The following NRP2 variants were observed in gnomAD, a reference collection of about 807,000 sequenced individuals.
NRP2 encodes neuropilin-2.
In NRP2, 52 loss-of-function variants were observed where a neutral mutation model predicts 110.4. That is an observed-to-expected ratio of 0.47 (90% CI 0.38 to 0.59). The LOEUF (loss-of-function observed/expected upper bound fraction) is 0.59. NRP2 is among the 20% of genes least tolerant of loss of function. The pLI, the probability that NRP2 is intolerant of heterozygous loss-of-function variation, is 0.00. For missense variants in NRP2, 1,049 were observed against 1,203.0 expected (o/e 0.87, Z 1.89); for synonymous variants, 508 against 468.9 (o/e 1.08, Z -1.08).
At chr2:205,780,131 AG>A (rs1443264518) in intron 15 of NRP2, among the ~76,000 whole-genome samples, 1 of 152,230 alleles carries the variant, frequency 6.6e-6, no homozygotes, top group Non-Finnish European at 1.5e-5. Flanking sequence ...AAGAAGCAGC[AG>A]TGACATCTTA....
chr2:205,789,788 GA>G (rs2105972305), intron 15 of NRP2, among the ~76,000 whole-genome samples: 1 of 152,304 alleles, frequency 6.6e-6, no homozygotes, highest in East Asian at 1.9e-4. Context: ...GCCTCCTAAG[GA>G]AACAGGCTGC....
At chr2:205,729,386 G>C (rs1370266406) in intron 7 of NRP2, among the ~76,000 whole-genome samples, 3 of 152,204 alleles carry the variant, frequency 2.0e-5, no homozygotes, top group Non-Finnish European at 4.4e-5. Flanking sequence ...CCACTGACTT[G>C]GTTTCAGAAA....
In NRP2 at chr2:205,737,066, T is replaced by A. The variant is rs182994346; in HGVS notation, c.1147-3453T>A. ...GATTTTCATAAATTGCACTTTGATATCTTTGGGCAAAAGACAATATGTAAG... is the reference window on the plus strand; with the variant it reads ...GATTTTCATAAATTGCACTTTGATAACTTTGGGCAAAAGACAATATGTAAG... On this transcript the variant is annotated intron_variant, in intron 7 of 16. Coordinates refer to ENST00000357785, the MANE Select transcript of NRP2 (RefSeq NM_003872.3). Among the ~76,000 whole-genome samples the A allele has an allele frequency of 5.2e-4, 79 of 152,352 alleles. 1 individual carries two copies. Among genetic ancestry groups the A allele is most frequent in the Admixed American group, 4.8e-3 (74 of 15,308 alleles).
intron 8 of NRP2, 133 bp from the exon 9 acceptor site, chr2:205,743,070 C>T (rs1243106930): frequency 1.3e-6 from 2 of 1,550,048 alleles, no homozygotes; most frequent in African/African-American, 1.3e-5. Flanking sequence ...TGTACACATT[C>T]ACCATGCAAA....
chr2:205,795,880 G>GGTGGGGCTTCCCTT lies in NRP2; in HGVS notation c.*833_*846dup, dbSNP rs1450590564. The GGTGGGGCTTCCCTT allele has an allele frequency of 6.6e-6, 1 of 152,580 alleles. No individual in the cohort carries two copies. Among genetic ancestry groups the GGTGGGGCTTCCCTT allele is most frequent in the East Asian group, 1.9e-4 (1 of 5,198 alleles). The allele number at this position is 152,580 out of a possible 1,614,324, so 9.5% of individuals were successfully genotyped here. A position where few individuals can be genotyped will look rare whatever the true frequency, so the allele number is the denominator to read the frequency against. On this transcript the variant is annotated 3_prime_UTR_variant, in exon 17 of 17. Coordinates refer to ENST00000357785, the MANE Select transcript of NRP2 (RefSeq NM_003872.3). Reference sequence around the variant, plus strand: ...TAATTCTAGACCCACAGTGTCTGGTGGTGGGGCTTCCCTTGTGGGGCTTCT... The same window carrying GGTGGGGCTTCCCTT: ...TAATTCTAGACCCACAGTGTCTGGTGGTGGGGCTTCCCTTGTGGGGCTTCCCTTGTGGGGCTTCT...
chr2:205,716,390 C>G lies in NRP2; in HGVS notation c.433+16C>G, dbSNP rs368761335. On this transcript the variant is annotated intron_variant, in intron 3 of 16. Coordinates refer to ENST00000357785, the MANE Select transcript of NRP2 (RefSeq NM_003872.3). ...TTCAAGACAGGTCAGTGTGGTCACA[C>G]GTAGGGGCCGGGAGATGGGCGTCTT... The G allele has an allele frequency of 2.5e-6, 4 of 1,612,900 alleles. No homozygotes were observed. The highest frequency in any genetic ancestry group is 3.4e-6 in the Non-Finnish European group (4 of 1,179,888).
chr2:205,689,593 A>G (rs930436671), intron 1 of NRP2, among the ~76,000 whole-genome samples: 5 of 152,222 alleles, frequency 3.3e-5, no homozygotes, highest in Non-Finnish European at 5.9e-5. Flanking sequence ...TGTAAGCACC[A>G]TATTATCTCT....
chr2:205,739,784 C>T (rs549623785), intron 7 of NRP2, among the ~76,000 whole-genome samples: 1 of 151,548 alleles, frequency 6.6e-6, no homozygotes, highest in Admixed American at 6.6e-5. Context: ...TTGCTCCCAC[C>T]ATGTAGGATC....
intron 4 of NRP2, 72 bp downstream of exon 4, chr2:205,722,780 G>C: frequency 7.7e-7 from 1 of 1,300,200 alleles, no homozygotes; most frequent in Non-Finnish European, 1.1e-6. Context: ...ATGATAAAGA[G>C]GAAGAACAAA....
At chr2:205,785,053 T>C (rs770214962) in intron 15 of NRP2, among the ~76,000 whole-genome samples, 29 of 152,258 alleles carry the variant, frequency 1.9e-4, no homozygotes, top group Admixed American at 6.5e-4. Context: ...TCATTCATTC[T>C]TGTGTTCAGA....
rs142229262 is a variant in NRP2, at chr2:205,742,433, G to A, written c.1292-770G>A. On this transcript the variant is annotated intron_variant, in intron 8 of 16. Transcript: ENST00000357785. Reference sequence around the variant, plus strand: ...GATAAACTAGAATGTGCACATGAAGGAAAAGAACAGGGTGCTCTGAGGGAA... The same window carrying A: ...GATAAACTAGAATGTGCACATGAAGAAAAAGAACAGGGTGCTCTGAGGGAA... Among the ~76,000 whole-genome samples the A allele has an allele frequency of 4.9e-3, 749 of 152,346 alleles. 2 individuals are homozygous for A. The highest frequency in any genetic ancestry group is 7.5e-3 in the Non-Finnish European group (510 of 68,024).
chr2:205,752,952 G>A lies in NRP2; in HGVS notation c.2021G>A (p.Ser674Asn), dbSNP rs768950887. ...WLRTTWASSSSPNDRTFPDDR... is the reference protein window; with the variant it reads ...WLRTTWASSSNPNDRTFPDDR... ...CGGACCACCTGGGCCAGCAGCTCCA[G>A]CCCAAACGACCGGACGTTTCCAGGT... The change falls in exon 12 of 17, where the codon AGC becomes AAC. Residue 674 changes from serine (S) to asparagine (N), a missense_variant. Transcript: ENST00000357785. The A allele has an allele frequency of 1.2e-6, 2 of 1,613,856 alleles. No individual in the cohort carries two copies. The highest frequency in any genetic ancestry group is 1.1e-5 in the South Asian group (1 of 91,068).
chr2:205,758,929 C>T (rs777558811), intron 12 of NRP2, among the ~76,000 whole-genome samples: 1 of 152,070 alleles, frequency 6.6e-6, no homozygotes, highest in Non-Finnish European at 1.5e-5. Context: ...CCCGCCCCCA[C>T]CATACCAGCT....
chr2:205,745,202 C>A (rs901748384), intron 9 of NRP2, among the ~76,000 whole-genome samples: 3 of 152,186 alleles, frequency 2.0e-5, no homozygotes, highest in African/African-American at 4.8e-5. Flanking sequence ...GTTTGGGAAA[C>A]AGTCTAAGAC....
chr2:205,753,607 A>G (rs1368418995), intron 12 of NRP2, among the ~76,000 whole-genome samples: 1 of 152,220 alleles, frequency 6.6e-6, no homozygotes, highest in African/African-American at 2.4e-5. Context: ...TGCTGACAAG[A>G]AGGGGTTGCC....
intron 7 of NRP2, among the ~76,000 whole-genome samples, chr2:205,738,541 T>C (rs531699173): frequency 6.6e-6 from 1 of 152,308 alleles, no homozygotes; most frequent in East Asian, 1.9e-4. Flanking sequence ...GTAGGGTCAG[T>C]CACCACTCCC....
intron 11 of NRP2, among the ~76,000 whole-genome samples, chr2:205,751,612 C>T (rs1014780658): frequency 3.9e-5 from 6 of 152,142 alleles, no homozygotes; most frequent in Non-Finnish European, 8.8e-5. Context: ...AAAGGGAAGG[C>T]ATTTACAGGG....
In NRP2 at chr2:205,795,361, GTATTATTATTAT is replaced by G. The variant is rs11280948; in HGVS notation, c.*322_*333del. 8.2e-5 allele frequency: 12 copies of G among 146,568 alleles called. No individual in the cohort carries two copies. In the East Asian group the frequency reaches 9.9e-4, roughly 12 times the overall value. The allele number at this position is 146,568 out of a possible 1,614,324, so 9.1% of individuals were successfully genotyped here. A position where few individuals can be genotyped will look rare whatever the true frequency, so the allele number is the denominator to read the frequency against. On this transcript the variant is annotated 3_prime_UTR_variant, in exon 17 of 17. Coordinates refer to ENST00000357785, the MANE Select transcript of NRP2 (RefSeq NM_003872.3). Reference sequence around the variant, plus strand: ...ACAGTTCTATTTTGTTTGTGAGTTTGTATTATTATTATTATTATTATTATTATTATATTTTAT... The same window carrying G: ...ACAGTTCTATTTTGTTTGTGAGTTTGTATTATTATTATTATTATATTTTAT...
At chr2:205,736,315 C>G (rs2057342215) in intron 7 of NRP2, among the ~76,000 whole-genome samples, 2 of 152,072 alleles carry the variant, frequency 1.3e-5, no homozygotes, top group Non-Finnish European at 2.9e-5. Context: ...GCACTCCAGC[C>G]TGGGTGACAG....
Sources: gnomAD v4.1 joint callset for allele counts (sites outside exome capture counted in the v4.1 genomes callset) on GRCh38, gnomAD v4.1.1 for gene constraint, MANE v1.5 for transcripts, NCBI Gene and HGNC (gene_info 2026-07-23, HGNC 2026-07-21) for gene names.